Variants in RALGPS2 observed in about 807,000 individuals in gnomAD.
RALGPS2 encodes the protein Ral GEF with PH domain and SH3 binding motif 2.
RALGPS2 carries 43 observed loss-of-function variants against 86.8 expected under a neutral mutation model. The ratio of observed to expected loss-of-function variants is 0.50; its 90% CI spans 0.39 to 0.64. The LOEUF is 0.64. Ranked by LOEUF, RALGPS2 falls within the 30% of genes least tolerant of loss-of-function variation. The probability of loss-of-function intolerance (pLI) is 0.00; values close to 1 mark genes in which losing one functional copy is unlikely to be tolerated. For synonymous variants in RALGPS2, 243 were observed against 231.3 expected (o/e 1.05, Z -0.46); for missense variants, 536 against 694.6 (o/e 0.77, Z 2.57).
intron 8 of RALGPS2, among the ~76,000 whole-genome samples, chr1:178,834,110 T>A (rs552107840): frequency 3.3e-5 from 5 of 152,252 alleles, no homozygotes; most frequent in Admixed American, 2.6e-4. Flanking sequence ...ACCAGTAATA[T>A]TATAAGATTA....
intron 13 of RALGPS2, 106 bp from the exon 14 acceptor site, chr1:178,889,536 G>A (rs779316801): frequency 7.3e-5 from 57 of 781,388 alleles, no homozygotes; most frequent in Admixed American, 1.3e-4. Flanking sequence ...TCTACAATGC[G>A]ATTGTCATTT....
At chr1:178,889,504 A>T in intron 13 of RALGPS2, 138 bp from the exon 14 acceptor site, 1 of 641,478 alleles carries the variant, frequency 1.6e-6, no homozygotes, top group South Asian at 1.9e-5. Context: ...TAGAATAAAG[A>T]ATTAATATGT....
intron 13 of RALGPS2, among the ~76,000 whole-genome samples, chr1:178,887,091 G>T (rs1251119549): frequency 1.3e-5 from 2 of 152,112 alleles, no homozygotes; most frequent in African/African-American, 4.8e-5. Context: ...GGATTTGTTT[G>T]TTTTTACTTC....
chr1:178,782,638 C>G (rs1653447805), intron 2 of RALGPS2, among the ~76,000 whole-genome samples: 1 of 151,910 alleles, frequency 6.6e-6, no homozygotes, highest in African/African-American at 2.4e-5. Context: ...AGGGCACTCC[C>G]CCCCAGCAAC....
chr1:178,803,240 G>A (rs1654567703), intron 4 of RALGPS2, among the ~76,000 whole-genome samples: 1 of 152,076 alleles, frequency 6.6e-6, no homozygotes, highest in Non-Finnish European at 1.5e-5. Context: ...TTCATTATTT[G>A]TAATTATAGC....
At chr1:178,848,119 G>A (rs1048805586) in intron 8 of RALGPS2, among the ~76,000 whole-genome samples, 1 of 151,914 alleles carries the variant, frequency 6.6e-6, no homozygotes, top group African/African-American at 2.4e-5. Context: ...GACCAACCTG[G>A]GCAACACAGT....
intron 18 of RALGPS2, among the ~76,000 whole-genome samples, chr1:178,905,679 G>C (rs1459026177): frequency 6.6e-6 from 1 of 152,068 alleles, no homozygotes; most frequent in Non-Finnish European, 1.5e-5. Context: ...AAGAACTTAG[G>C]TCAATGAAAA....
chr1:178,869,987 T>C (rs1235405790), intron 8 of RALGPS2, among the ~76,000 whole-genome samples: 2 of 152,138 alleles, frequency 1.3e-5, no homozygotes, highest in Non-Finnish European at 2.9e-5. Flanking sequence ...AATTACATCT[T>C]CTGGGTTCTT....
intron 3 of RALGPS2, 92 bp from the exon 4 acceptor site, chr1:178,785,465 A>G: frequency 7.6e-7 from 1 of 1,312,020 alleles, no homozygotes; most frequent in Admixed American, 2.8e-5. Context: ...GTATTTGGTA[A>G]TATTTTAGTA....
intron 18 of RALGPS2, among the ~76,000 whole-genome samples, chr1:178,905,861 A>G (rs1660366855): frequency 6.6e-6 from 1 of 152,202 alleles, no homozygotes; most frequent in Admixed American, 6.5e-5. Flanking sequence ...ATGAATATCT[A>G]ATTTCTTAAA....
intron 8 of RALGPS2, among the ~76,000 whole-genome samples, chr1:178,843,936 G>A (rs1656739579): frequency 6.6e-6 from 1 of 152,110 alleles, no homozygotes; most frequent in South Asian, 2.1e-4. Flanking sequence ...TTAATGTAAT[G>A]ACTGCTTTGC....
intron 4 of RALGPS2, among the ~76,000 whole-genome samples, chr1:178,799,010 G>A (rs1296503004): frequency 6.6e-6 from 1 of 152,128 alleles, no homozygotes. Context: ...AAATCATTGA[G>A]GAGAATGGGT....
chr1:178,726,542 T>TAA (rs199974693), intron 1 of RALGPS2, among the ~76,000 whole-genome samples: 66 of 144,314 alleles, frequency 4.6e-4, no homozygotes, highest in African/African-American at 1.4e-3. Context: ...AAATTTCTGT[T>TAA]AAAAAAAAAA....
intron 6 of RALGPS2, among the ~76,000 whole-genome samples, chr1:178,816,035 T>A (rs879433798): frequency 6.6e-6 from 1 of 152,238 alleles, no homozygotes; most frequent in Admixed American, 6.5e-5. Flanking sequence ...AAAACTGTTA[T>A]GAACATTTTT....
Position 178,892,270 on chromosome 1 carries a change from G to T in RALGPS2, c.1288G>T (p.Ala430Ser). The T allele has an allele frequency of 6.2e-7, 1 of 1,612,710 alleles. No homozygotes were observed. Among genetic ancestry groups the T allele is most frequent in the Non-Finnish European group, 8.5e-7 (1 of 1,179,088 alleles). Reference sequence around the variant, plus strand: ...TTCTCTCGGCCCGGTGACAAGAGTGGCACGAAATGGCTATCGAAGTCACAT... The same window carrying T: ...TTCTCTCGGCCCGGTGACAAGAGTGTCACGAAATGGCTATCGAAGTCACAT... ...YHSLGPVTRV[A>S]RNGYRSHMKA... Residue 430 changes from alanine (A) to serine (S), a missense_variant, in exon 15 of 20, where the codon GCA becomes TCA. Coordinates refer to ENST00000367635, the MANE Select transcript of RALGPS2 (RefSeq NM_152663.5).
intron 1 of RALGPS2, among the ~76,000 whole-genome samples, chr1:178,759,354 T>C (rs1424564629): frequency 2.6e-5 from 4 of 152,138 alleles, no homozygotes; most frequent in Non-Finnish European, 5.9e-5. Context: ...CAATGAATGT[T>C]CTTGGCACCT....
At chr1:178,913,642 G>T (rs960176066) in intron 19 of RALGPS2, among the ~76,000 whole-genome samples, 11 of 152,180 alleles carry the variant, frequency 7.2e-5, no homozygotes, top group African/African-American at 2.7e-4. Context: ...CTGACTTTTG[G>T]ATGGTGCTTT....
At chr1:178,865,530 T>C in intron 8 of RALGPS2, 1 of 1,614,138 alleles carries the variant, frequency 6.2e-7, no homozygotes, top group Non-Finnish European at 8.5e-7. Context: ...TCAAGGTCCA[T>C]CCTGGTGATC....
intron 8 of RALGPS2, chr1:178,864,991 G>C: frequency 1.4e-6 from 2 of 1,470,726 alleles, no homozygotes; most frequent in Non-Finnish European, 1.8e-6. Context: ...TCTTGAAAGG[G>C]CTTTTGGTGG....
Sources: allele counts gnomAD v4.1 joint callset (sites outside exome capture counted in the v4.1 genomes callset), GRCh38; gene constraint gnomAD v4.1.1; transcripts MANE v1.5; gene names NCBI Gene and HGNC (gene_info 2026-07-23, HGNC 2026-07-21).